GDPD4: variants seen among roughly 807,000 people sequenced by gnomAD.
GDPD4 encodes glycerophosphodiester phosphodiesterase 6.
Under a neutral mutation model 67.8 loss-of-function variants are expected in GDPD4, and 60 were observed. The observed-to-expected ratio is 0.88, with a 90% CI of 0.72 to 1.10. The LOEUF is 1.10. GDPD4 is among the 50% of genes least tolerant of loss of function. The pLI, the probability that GDPD4 is intolerant of heterozygous loss-of-function variation, is 0.00. For missense variants in GDPD4, 623 were observed against 613.9 expected, an observed-to-expected ratio of 1.01 and a Z score of -0.16; for synonymous variants, 212 against 210.9, an observed-to-expected ratio of 1.00 and a Z score of -0.04.
At chr11:77,232,944 G>T in intron 14 of GDPD4, 81 bp downstream of exon 14, 1 of 1,312,444 alleles carries the variant, frequency 7.6e-7, no homozygotes, top group Non-Finnish European at 1.1e-6. Context: ...CCAGGGGATG[G>T]CACAGTGGGC....
At chr11:77,296,791 G>T (rs1279516054) in intron 1 of GDPD4, among the ~76,000 whole-genome samples, 2 of 151,686 alleles carry the variant, frequency 1.3e-5, no homozygotes, top group Admixed American at 1.3e-4. Context: ...CGGGTGCGGT[G>T]GCTCATGCCT....
chr11:77,259,779 C>T (rs1353755043), intron 10 of GDPD4, among the ~76,000 whole-genome samples: 1 of 152,088 alleles, frequency 6.6e-6, no homozygotes, highest in South Asian at 2.1e-4. Flanking sequence ...AAAACAAACA[C>T]ACAGTTCCAA....
intron 16 of GDPD4, among the ~76,000 whole-genome samples, chr11:77,225,157 A>C (rs1201010736): frequency 6.6e-6 from 1 of 152,052 alleles, no homozygotes; most frequent in Non-Finnish European, 1.5e-5. Flanking sequence ...CTATCCAAAA[A>C]TAAAGGAAAT....
At chr11:77,291,674 CT>C (rs1937780596) in intron 1 of GDPD4, among the ~76,000 whole-genome samples, 1 of 152,118 alleles carries the variant, frequency 6.6e-6, no homozygotes, top group Admixed American at 6.5e-5. Flanking sequence ...TTTAGAAACT[CT>C]AATGTTTCCT....
intron 4 of GDPD4, among the ~76,000 whole-genome samples, chr11:77,276,467 C>T (rs111354619): frequency 0.015 from 2,282 of 152,296 alleles, 29 homozygotes; most frequent in South Asian, 0.025. Flanking sequence ...TCACCCGCAA[C>T]CTCAGGAAGA....
Position 77,258,597 on chromosome 11 carries a change from T to G in GDPD4, c.708-55A>C, listed in dbSNP as rs113643535. The G allele has an allele frequency of 6.9e-4, 1,073 of 1,547,654 alleles. 9 individuals are homozygous for G. In the African/African-American group the frequency reaches 0.013, roughly 18 times the overall value. On this transcript the variant is annotated intron_variant, in intron 10 of 16. Transcript: ENST00000315938. ...GGTAGATAGGCTGAATTTAGCTACC[T>G]TGGTAGACAGGCTCCCCAGACAGTC...
chr11:77,268,384 G>T, intron 10 of GDPD4, 73 bp downstream of exon 10: 1 of 1,014,222 alleles, frequency 9.9e-7, no homozygotes, highest in African/African-American at 1.6e-5. Flanking sequence ...TACAACCTCA[G>T]GCCAGGCTGG....
intron 11 of GDPD4, among the ~76,000 whole-genome samples, chr11:77,248,730 A>C (rs1380655372): frequency 6.6e-6 from 1 of 150,610 alleles, no homozygotes; most frequent in African/African-American, 2.4e-5. Context: ...TTTATTTTTA[A>C]TTTTTATTTT....
chr11:77,283,523 A>G (rs890451097), intron 3 of GDPD4, among the ~76,000 whole-genome samples: 12 of 152,098 alleles, frequency 7.9e-5, no homozygotes, highest in African/African-American at 2.4e-4. Context: ...AAATATAAAT[A>G]AATAAATTAT....
At chr11:77,265,849 A>AT (rs1030928415) in intron 10 of GDPD4, among the ~76,000 whole-genome samples, 3 of 152,072 alleles carry the variant, frequency 2.0e-5, no homozygotes, top group Non-Finnish European at 4.4e-5. Flanking sequence ...GAAACCACTG[A>AT]TTTTTCTCCA....
intron 3 of GDPD4, 141 bp from the exon 4 acceptor site, chr11:77,279,540 T>TTTTTTTTTTTTTTTTGA: frequency 1.9e-6 from 1 of 520,158 alleles, no homozygotes; most frequent in Non-Finnish European, 3.6e-6. Context: ...CAGCAGCTTT[T>TTTTTTTTTTTTTTTTGA]GCGGATAATT....
At chr11:77,252,669 A>G (rs1160033418) in intron 11 of GDPD4, among the ~76,000 whole-genome samples, 1 of 152,042 alleles carries the variant, frequency 6.6e-6, no homozygotes, top group Non-Finnish European at 1.5e-5. Context: ...TTTTCTAGAG[A>G]AAGATTTTCA....
intron 16 of GDPD4, among the ~76,000 whole-genome samples, chr11:77,222,141 G>A (rs1054738575): frequency 2.0e-4 from 31 of 152,132 alleles, no homozygotes; most frequent in African/African-American, 6.8e-4. Flanking sequence ...TGGGGCTCCT[G>A]AATACAGCAC....
intron 13 of GDPD4, among the ~76,000 whole-genome samples, chr11:77,233,876 G>A (rs2135831857): frequency 6.6e-6 from 1 of 152,274 alleles, no homozygotes; most frequent in Admixed American, 6.5e-5. Context: ...ATTTTTGCAA[G>A]TAATGAAAAT....
At chr11:77,221,178 C>A (rs76983095) in intron 16 of GDPD4, among the ~76,000 whole-genome samples, 47,472 of 151,844 alleles carry the variant, frequency 0.31, 7,707 homozygotes, top group East Asian at 0.46. Context: ...TTTATCTTTT[C>A]AAAAAACCAG....
chr11:77,257,104 A>G (rs1336256441), intron 11 of GDPD4, among the ~76,000 whole-genome samples: 1 of 152,126 alleles, frequency 6.6e-6, no homozygotes, highest in East Asian at 1.9e-4. Context: ...TTTCCTAATT[A>G]CACTACTACC....
intron 15 of GDPD4, among the ~76,000 whole-genome samples, chr11:77,228,499 CAAAAAAAAAAA>C (rs58364800): frequency 0.035 from 925 of 26,638 alleles, 10 homozygotes; most frequent in Non-Finnish European, 0.047. Context: ...GACTCCGTCT[CAAAAAAAAAAA>C]AAAAAAAAAA....
intron 16 of GDPD4, among the ~76,000 whole-genome samples, chr11:77,222,291 TAGTTGATGC>T (rs1329867674): frequency 6.6e-6 from 1 of 152,224 alleles, no homozygotes; most frequent in African/African-American, 2.4e-5. Flanking sequence ...TTTTGCTTGT[TAGTTGATGC>T]AGTTTCTTCC....
intron 10 of GDPD4, among the ~76,000 whole-genome samples, chr11:77,265,085 A>G (rs1670452): frequency 0.74 from 113,143 of 152,036 alleles, 43,230 homozygotes; most frequent in African/African-American, 0.93. Context: ...GCCCCCGCAC[A>G]CCCCTATTCC....
Sources: gnomAD v4.1 joint callset for allele counts (sites outside exome capture counted in the v4.1 genomes callset) on GRCh38, gnomAD v4.1.1 for gene constraint, MANE v1.5 for transcripts, NCBI Gene and HGNC (gene_info 2026-07-23, HGNC 2026-07-21) for gene names.